PPP2R2C: variants seen among roughly 807,000 people sequenced by gnomAD.
The protein encoded by PPP2R2C is protein phosphatase 2 regulatory subunit Bgamma, also known as protein phosphatase 2, regulatory subunit B, gamma.
PPP2R2C carries 10 observed loss-of-function variants against 45.3 expected under a neutral mutation model. That is an observed-to-expected ratio of 0.22 (90% CI 0.14 to 0.37). The LOEUF (loss-of-function observed/expected upper bound fraction) is 0.37, where lower values mean the gene tolerates loss of function less well. PPP2R2C is among the 10% of genes least tolerant of loss of function. The pLI is 1.00. For synonymous variants in PPP2R2C, 257 were observed against 245.4 expected (o/e 1.05, Z -0.44); for missense variants, 308 against 619.7 (o/e 0.50, Z 5.34).
intron 6 of PPP2R2C, among the ~76,000 whole-genome samples, chr4:6,346,558 C>A (rs987702134): frequency 2.0e-5 from 3 of 152,228 alleles, no homozygotes; most frequent in Admixed American, 1.3e-4. Flanking sequence ...CGACGGTGGG[C>A]CTCTGCTGCA....
chr4:6,516,646 T>C (rs1178666257), intron 2 of PPP2R2C, among the ~76,000 whole-genome samples: 4 of 152,262 alleles, frequency 2.6e-5, no homozygotes, highest in African/African-American at 9.6e-5. Context: ...TAGAACAGCA[T>C]GGACCCTGCA....
chr4:6,539,986 C>T (rs1191061858), intron 1 of PPP2R2C, among the ~76,000 whole-genome samples: 2 of 152,180 alleles, frequency 1.3e-5, no homozygotes, highest in South Asian at 2.1e-4. Flanking sequence ...TGCAGTTAGC[C>T]CTGCCCTACT....
intron 1 of PPP2R2C, among the ~76,000 whole-genome samples, chr4:6,549,356 G>A (rs912046283): frequency 5.9e-5 from 9 of 151,644 alleles, no homozygotes; most frequent in Non-Finnish European, 1.0e-4. Context: ...CCAGAGCTTT[G>A]CACCTGGATC....
intron 2 of PPP2R2C, among the ~76,000 whole-genome samples, chr4:6,490,257 C>G (rs1722658870): frequency 6.6e-6 from 1 of 152,168 alleles, no homozygotes; most frequent in Non-Finnish European, 1.5e-5. Context: ...GACTTATGTC[C>G]TCCATCTATA....
chr4:6,388,656 C>T (rs7680695), intron 1 of PPP2R2C, among the ~76,000 whole-genome samples: 2 of 152,086 alleles, frequency 1.3e-5, no homozygotes, highest in Non-Finnish European at 2.9e-5. Flanking sequence ...AATCCCAGCA[C>T]TTTGGGGGGC....
intron 2 of PPP2R2C, among the ~76,000 whole-genome samples, chr4:6,484,251 G>A (rs945166694): frequency 6.6e-6 from 1 of 151,890 alleles, no homozygotes; most frequent in African/African-American, 2.4e-5. Context: ...CCACTAAAGT[G>A]CATTTGAGTC....
Position 6,452,876 on chromosome 4 carries a change from C to T in PPP2R2C, c.70+19284G>A, listed in dbSNP as rs147155107. ...ACCAGCTCTGTCCCACAGAGAATCT[C>T]GGCTCCGTGATCAGCAGGCTTACCT... On this transcript the variant is annotated intron_variant, in intron 1 of 8. Transcript: ENST00000382599. 3.9e-5 allele frequency among the ~76,000 whole-genome samples: 6 copies of T among 152,220 alleles called. No homozygotes were observed. The South Asian group carries it at 6.2e-4, about 16-fold the overall frequency.
intron 2 of PPP2R2C, among the ~76,000 whole-genome samples, chr4:6,505,126 C>T (rs111445491): frequency 6.7e-4 from 102 of 151,752 alleles, no homozygotes; most frequent in African/African-American, 2.4e-3. Flanking sequence ...ACTATGGAGG[C>T]CAGAAGGCGG....
intron 1 of PPP2R2C, among the ~76,000 whole-genome samples, chr4:6,536,412 C>T (rs1384783351): frequency 2.6e-5 from 4 of 152,110 alleles, no homozygotes; most frequent in Non-Finnish European, 4.4e-5. Context: ...ACCAGTCATT[C>T]ACATAAAAAG....
intron 1 of PPP2R2C, among the ~76,000 whole-genome samples, chr4:6,554,811 G>C (rs908391940): frequency 1.4e-5 from 2 of 146,948 alleles, no homozygotes; most frequent in African/African-American, 5.1e-5. Context: ...AGTGAGCCAA[G>C]ATCATGCCAC....
intron 1 of PPP2R2C, among the ~76,000 whole-genome samples, chr4:6,407,847 G>C (rs1241089810): frequency 6.6e-6 from 1 of 152,218 alleles, no homozygotes; most frequent in Non-Finnish European, 1.5e-5. Context: ...GCGCTATCCA[G>C]TACAGGGACC....
At chr4:6,441,300 G>A (rs952471349) in intron 1 of PPP2R2C, among the ~76,000 whole-genome samples, 5 of 151,932 alleles carry the variant, frequency 3.3e-5, no homozygotes, top group East Asian at 1.9e-4. Flanking sequence ...CCTCCACACC[G>A]ACACCACAGT....
At chr4:6,393,025 T>C (rs530728017) in intron 1 of PPP2R2C, among the ~76,000 whole-genome samples, 1 of 152,352 alleles carries the variant, frequency 6.6e-6, no homozygotes, top group South Asian at 2.1e-4. Flanking sequence ...GATTTTGTTG[T>C]TTCTATTTTA....
chr4:6,514,767 C>T (rs1225096815), intron 2 of PPP2R2C, among the ~76,000 whole-genome samples: 1 of 152,234 alleles, frequency 6.6e-6, no homozygotes, highest in Non-Finnish European at 1.5e-5. Flanking sequence ...ATCATATTCT[C>T]TCCCAGTTCT....
At chr4:6,549,898 C>G (rs925804130) in intron 1 of PPP2R2C, among the ~76,000 whole-genome samples, 1 of 152,216 alleles carries the variant, frequency 6.6e-6, no homozygotes, top group African/African-American at 2.4e-5. Flanking sequence ...AGGTGAATAT[C>G]TGGGGAGAAA....
intron 1 of PPP2R2C, among the ~76,000 whole-genome samples, chr4:6,434,373 TTTG>T (rs1453555029): frequency 5.5e-5 from 8 of 144,262 alleles, no homozygotes; most frequent in Non-Finnish European, 9.2e-5. Context: ...TTTTTTTTTT[TTTG>T]GAGACAGAGT....
At chr4:6,476,427 TAAG>T (rs1560575544), upstream of PPP2R2C, among the ~76,000 whole-genome samples, 2 of 152,200 alleles carry the variant, frequency 1.3e-5, no homozygotes, top group African/African-American at 4.8e-5. Flanking sequence ...AGCCGCCTTA[TAAG>T]AAGAGACGTG....
At position 6,322,847 on chromosome 4, in the gene PPP2R2C, G is replaced by A. The variant is rs1023758319; in HGVS notation, c.*455C>T. On this transcript the variant is annotated 3_prime_UTR_variant, in exon 9 of 9. Coordinates refer to ENST00000382599, the MANE Select transcript of PPP2R2C (RefSeq NM_020416.4). The surrounding 1 kb of genome is among the most constrained non-coding windows in gnomAD (Gnocchi z 7.8). ...CGTTTGAGACTCATCATCTGTCCCT[G>A]GAGCCCTGATCTGGGACCAGTGAGG... 6.5e-6 allele frequency: 1 copy of A among 154,232 alleles called. No homozygotes were observed. The highest frequency in any genetic ancestry group is 2.4e-5 in the African/African-American group (1 of 41,544). The allele number at this position is 154,232 out of a possible 1,614,324, so 9.6% of individuals were successfully genotyped here. A position where few individuals can be genotyped will look rare whatever the true frequency, so the allele number is the denominator to read the frequency against.
Position 6,372,596 on chromosome 4 carries a change from G to A in PPP2R2C, c.552C>T (p.Asp184=). 1 of 1,614,226 alleles carries A rather than the reference G, an allele frequency of 6.2e-7. No homozygotes were observed. The highest frequency in any genetic ancestry group is 8.5e-7 in the Non-Finnish European group (1 of 1,180,034). The change falls in exon 5 of 9, where the codon GAC becomes GAT. Residue 184 remains aspartate (D), a synonymous_variant. Transcript: ENST00000382599. ...CATCCGCCGACATGTAGGTCTCGCAGTCACTGTTGACGGAGATGGAGTTGA... is the reference window on the plus strand; with the variant it reads ...CATCCGCCGACATGTAGGTCTCGCAATCACTGTTGACGGAGATGGAGTTGA... ...YHINSISVNS[D]CETYMSADDL...
Sources: gnomAD v4.1 joint callset for allele counts (sites outside exome capture counted in the v4.1 genomes callset) on GRCh38, gnomAD v4.1.1 for gene constraint, Gnocchi (gnomAD v3.1) non-coding constraint, MANE v1.5 for transcripts, NCBI Gene and HGNC (gene_info 2026-07-23, HGNC 2026-07-21) for gene names.